Variants in TSGA10 observed in about 807,000 individuals in gnomAD.
TSGA10 encodes the protein testis-specific gene 10 protein.
A neutral mutation model predicts 96.6 loss-of-function variants in TSGA10; 43 were observed. The ratio of observed to expected loss-of-function variants is 0.44; its 90% CI spans 0.35 to 0.57. The LOEUF is 0.57. Ranked by LOEUF, TSGA10 falls within the 20% of genes least tolerant of loss-of-function variation. TSGA10 has a pLI of 0.01. For missense variants in TSGA10, 703 were observed against 834.4 expected (o/e 0.84, Z 1.94); for synonymous variants, 229 against 269.9 (o/e 0.85, Z 1.48).
chr2:99,102,623 T>C (rs1424982196), intron 10 of TSGA10: 1 of 1,614,170 alleles, frequency 6.2e-7, no homozygotes. Flanking sequence ...CAACTACTTT[T>C]AGGCCTGAAC....
intron 10 of TSGA10, among the ~76,000 whole-genome samples, chr2:99,101,781 A>T (rs1020568997): frequency 3.9e-5 from 6 of 152,240 alleles, no homozygotes; most frequent in Non-Finnish European, 8.8e-5. Context: ...GCTAAGTGAA[A>T]TAAGACAACC....
chr2:99,084,765 TC>T (rs955568074), intron 10 of TSGA10, among the ~76,000 whole-genome samples: 1 of 151,208 alleles, frequency 6.6e-6, no homozygotes, highest in Non-Finnish European at 1.5e-5. Flanking sequence ...GTCTCTCCCA[TC>T]CCCCCATACC....
intron 16 of TSGA10, among the ~76,000 whole-genome samples, chr2:99,056,038 C>T (rs1222717496): frequency 6.6e-6 from 1 of 151,850 alleles, no homozygotes; most frequent in Admixed American, 6.6e-5. Flanking sequence ...CCCGTCTGTA[C>T]TAAAAATACA....
intron 20 of TSGA10, among the ~76,000 whole-genome samples, chr2:99,007,373 T>C (rs531042914): frequency 1.3e-5 from 2 of 151,986 alleles, no homozygotes; most frequent in South Asian, 2.1e-4. Flanking sequence ...ATACTGTATA[T>C]AAGAGATATA....
At chr2:99,024,423 C>A (rs1466642318) in intron 17 of TSGA10, among the ~76,000 whole-genome samples, 1 of 152,002 alleles carries the variant, frequency 6.6e-6, no homozygotes, top group Admixed American at 6.6e-5. Context: ...CTTTTTGATG[C>A]AATTCCGTTT....
chr2:99,114,154 C>T (rs1017190530), intron 4 of TSGA10, among the ~76,000 whole-genome samples: 3 of 152,146 alleles, frequency 2.0e-5, no homozygotes, highest in Admixed American at 6.6e-5. Flanking sequence ...ACTCTACCTC[C>T]GCATACCCAG....
intron 1 of TSGA10, among the ~76,000 whole-genome samples, chr2:99,151,663 A>G (rs1156254648): frequency 6.6e-6 from 1 of 152,180 alleles, no homozygotes; most frequent in Non-Finnish European, 1.5e-5. Context: ...GCATATCTTC[A>G]GAAGGATTTC....
At chr2:99,151,773 C>T (rs1156310906) in intron 1 of TSGA10, among the ~76,000 whole-genome samples, 1 of 151,718 alleles carries the variant, frequency 6.6e-6, no homozygotes, top group Non-Finnish European at 1.5e-5. Flanking sequence ...GTTTGTCTTG[C>T]AGATGGTACC....
At chr2:99,049,830 A>C (rs2083202877) in intron 16 of TSGA10, among the ~76,000 whole-genome samples, 1 of 152,184 alleles carries the variant, frequency 6.6e-6, no homozygotes, top group Non-Finnish European at 1.5e-5. Flanking sequence ...CACTAAAGGA[A>C]GTTCTTCAAA....
chr2:99,129,010 GGA>G (rs2092952599), intron 1 of TSGA10, among the ~76,000 whole-genome samples: 1 of 152,012 alleles, frequency 6.6e-6, no homozygotes, highest in Non-Finnish European at 1.5e-5. Context: ...GGTCTCCCTG[GGA>G]TTACAGGCAT....
intron 17 of TSGA10, 32 bp from the exon 18 acceptor site, chr2:99,020,514 T>C (rs994117411): frequency 2.0e-6 from 3 of 1,474,548 alleles, no homozygotes; most frequent in Admixed American, 1.8e-5. Flanking sequence ...TCTACACTTA[T>C]TCCCATTAAT....
At chr2:99,008,285 G>T (rs13414153) in intron 20 of TSGA10, among the ~76,000 whole-genome samples, 63,239 of 151,916 alleles carry the variant, frequency 0.42, 15,090 homozygotes, top group African/African-American at 0.66. Flanking sequence ...AGAAAATATT[G>T]GTAGCATATA....
At chr2:99,123,612 A>G (rs1291710818) in intron 2 of TSGA10, among the ~76,000 whole-genome samples, 4 of 152,204 alleles carry the variant, frequency 2.6e-5, no homozygotes, top group African/African-American at 9.7e-5. Flanking sequence ...AATGTTGTAC[A>G]ACCATCACCA....
intron 10 of TSGA10, among the ~76,000 whole-genome samples, chr2:99,087,162 C>T (rs887624339): frequency 6.6e-5 from 10 of 151,688 alleles, no homozygotes; most frequent in African/African-American, 2.4e-4. Flanking sequence ...CAAGATCATG[C>T]CACTGCACTC....
intron 17 of TSGA10, among the ~76,000 whole-genome samples, chr2:99,030,972 T>C (rs2081075807): frequency 6.6e-6 from 1 of 152,012 alleles, no homozygotes; most frequent in Non-Finnish European, 1.5e-5. Flanking sequence ...AGCAGGATTT[T>C]TGAAGATATA....
chr2:99,145,866 G>C (rs1029166099), intron 1 of TSGA10, among the ~76,000 whole-genome samples: 14 of 152,202 alleles, frequency 9.2e-5, no homozygotes, highest in Non-Finnish European at 1.9e-4. Flanking sequence ...GTCCAGGCAT[G>C]GTGGCTTACG....
chr2:99,128,210 A>G (rs995926459), intron 1 of TSGA10, among the ~76,000 whole-genome samples: 1 of 152,196 alleles, frequency 6.6e-6, no homozygotes, highest in African/African-American at 2.4e-5. Flanking sequence ...CCCAGCACTT[A>G]GACAGGCCGG....
chr2:99,033,141 G>A (rs1032386274), intron 17 of TSGA10, among the ~76,000 whole-genome samples: 1 of 152,106 alleles, frequency 6.6e-6, no homozygotes, highest in African/African-American at 2.4e-5. Flanking sequence ...GGTCGCTTCT[G>A]AATGTGAGTC....
chr2:99,004,903 C>T (rs899560233), intron 20 of TSGA10, among the ~76,000 whole-genome samples: 1 of 152,112 alleles, frequency 6.6e-6, no homozygotes, highest in African/African-American at 2.4e-5. Flanking sequence ...ATAAAATACT[C>T]ACAAACCAAA....
Sources: gnomAD v4.1 joint callset for allele counts (sites outside exome capture counted in the v4.1 genomes callset) on GRCh38, gnomAD v4.1.1 for gene constraint, MANE v1.5 for transcripts, NCBI Gene and HGNC (gene_info 2026-07-23, HGNC 2026-07-21) for gene names.